The following SEC16B variants were observed in gnomAD, a reference collection of about 807,000 sequenced individuals.
SEC16B encodes the protein protein transport protein Sec16B.
Under a neutral mutation model 141.8 loss-of-function variants are expected in SEC16B, and 115 were observed. That is an observed-to-expected ratio of 0.81 (90% CI 0.70 to 0.95). SEC16B has a LOEUF of 0.95. Ranked by LOEUF, SEC16B falls within the 40% of genes least tolerant of loss-of-function variation. SEC16B has a pLI of 0.00. For synonymous variants in SEC16B, 493 were observed against 492.5 expected (o/e 1.00, Z -0.01); for missense variants, 1,291 against 1,312.3 (o/e 0.98, Z 0.25).
chr1:177,948,383 G>A (rs1651905119), intron 12 of SEC16B: 1 of 1,304,922 alleles, frequency 7.7e-7, no homozygotes, highest in Non-Finnish European at 1.0e-6. Flanking sequence ...CCTGCTTAAT[G>A]TCTTACCAAA....
rs781163921 is a variant in SEC16B, at chr1:177,958,141, T to A, written c.1356A>T (p.Gly452=). 2 of 1,512,412 alleles carry A rather than the reference T, an allele frequency of 1.3e-6. No homozygotes were observed. The highest frequency in any genetic ancestry group is 1.8e-6 in the Non-Finnish European group (2 of 1,125,864). The allele number at this position is 1,512,412 out of a possible 1,614,324, so 93.7% of individuals were successfully genotyped here. A position where few individuals can be genotyped will look rare whatever the true frequency, so the allele number is the denominator to read the frequency against. The change falls in exon 10 of 26, where the codon GGA becomes GGT. Residue 452 remains glycine, a synonymous_variant. Transcript: ENST00000308284. ...GGAAGGGCATACTTGCCTTCTTCCT[T>A]CCATAGTAGAGCAGCCTAGTGAATT... ...VEKFTRLLYY[G]RKKEALEWAM...
intron 24 of SEC16B, 110 bp from the exon 25 acceptor site, chr1:177,930,753 CT>C (rs1571302028): frequency 1.4e-6 from 1 of 697,368 alleles, no homozygotes. Context: ...TCAGTGATTT[CT>C]TTAAGTTCCT....
intron 5 of SEC16B, among the ~76,000 whole-genome samples, chr1:177,962,373 C>A (rs12747656): frequency 0.44 from 66,578 of 151,284 alleles, 14,810 homozygotes; most frequent in African/African-American, 0.47. Flanking sequence ...CCTGGCCCTC[C>A]TTCATTGACT....
rs772354528 is a variant in SEC16B, at chr1:177,967,959, C to T, written c.23G>A (p.Arg8Lys). 2.9e-5 allele frequency: 47 copies of T among 1,607,588 alleles called. No homozygotes were observed. In the East Asian group the frequency reaches 1.0e-3, roughly 34 times the overall value. The change falls in exon 2 of 26, where the codon AGG becomes AAG. Residue 8 changes from arginine (R) to lysine (K), a missense_variant. Arg to Lys is a conservative substitution (Grantham distance 26). Transcript: ENST00000308284. MELWAPQRLPQTRGKATA... is the reference protein window; with the variant it reads MELWAPQKLPQTRGKATA... ...GGCCTTCCCTCGTGTCTGGGGCAGC[C>T]TCTGGGGAGCCCAAAGTTCCATCCT...
chr1:177,954,375 TC>T lies in SEC16B; in HGVS notation c.1366del (p.Glu456LysfsTer7). Reference protein sequence around the residue: ...TRLLYYGRKKEALEWAMKNHL... With the variant: ...TRLLYYGRKKXALEWAMKNHL... ...GTTCTTCATGGCCCACTCCAAGGCT[TC>T]CTGAAAACCAAAACATCACATTCAA... On this transcript the variant is annotated frameshift_variant and splice_region_variant, in exon 11 of 26. Transcript: ENST00000308284. LOFTEE classifies it high-confidence loss of function. 1 of 1,569,500 alleles carries T rather than the reference TC, an allele frequency of 6.4e-7. No homozygotes were observed. The highest frequency in any genetic ancestry group is 8.6e-7 in the Non-Finnish European group (1 of 1,156,188).
At chr1:177,950,485 TA>T (rs987464034) in intron 12 of SEC16B, among the ~76,000 whole-genome samples, 2 of 152,106 alleles carry the variant, frequency 1.3e-5, no homozygotes, top group Admixed American at 6.5e-5. Context: ...TCAACTCCTT[TA>T]AAGTTATGTA....
At chr1:177,975,145 A>G (rs1320015675), upstream of SEC16B, among the ~76,000 whole-genome samples, 1 of 152,216 alleles carries the variant, frequency 6.6e-6, no homozygotes, top group Non-Finnish European at 1.5e-5. Flanking sequence ...GCTTTAACTA[A>G]GAACGTGTGC....
At chr1:177,936,062 C>T (rs757099352) in intron 20 of SEC16B, among the ~76,000 whole-genome samples, 6 of 152,214 alleles carry the variant, frequency 3.9e-5, no homozygotes, top group Non-Finnish European at 8.8e-5. Flanking sequence ...AACGAATCAG[C>T]TCAGTTGCTC....
intron 17 of SEC16B, 86 bp downstream of exon 17, chr1:177,940,524 T>G (rs115904230): frequency 0.025 from 22,743 of 911,436 alleles, 376 homozygotes; most frequent in East Asian, 0.062. Context: ...CTTGCTAATG[T>G]CAGTGCCTAC....
In SEC16B at chr1:177,954,336, T is replaced by C; in HGVS notation, c.1406A>G (p.His469Arg). 1 of 1,576,634 alleles carries C rather than the reference T, an allele frequency of 6.3e-7. No homozygotes were observed. Among genetic ancestry groups the C allele is most frequent in the Non-Finnish European group, 8.6e-7 (1 of 1,160,150 alleles). Residue 469 changes from histidine to arginine, a missense_variant, in exon 11 of 26, where the codon CAT becomes CGT. Transcript: ENST00000308284. The part of the protein sequence containing the change: ...EWAMKNHLWG[H>R]ALFLSSKMDP... ...CATCTTGCTGGACAGGAACAAAGCA[T>C]GGCCCCACAAGTGGTTCTTCATGGC...
At chr1:177,982,841 G>A (rs1654475575) in intron 1 of SEC16B, among the ~76,000 whole-genome samples, 1 of 152,120 alleles carries the variant, frequency 6.6e-6, no homozygotes, top group Non-Finnish European at 1.5e-5. Context: ...CCTCTCAAAA[G>A]TCAGCAGCCG....
Position 177,967,944 on chromosome 1 carries a change from C to T in SEC16B, c.38G>A (p.Arg13Gln), listed in dbSNP as rs189562621. ...CTTTGAGGGTGCTGTGGCCTTCCCT[C>T]GTGTCTGGGGCAGCCTCTGGGGAGC... The part of the protein sequence containing the change: ...LWAPQRLPQT[R>Q]GKATAPSKDP... The change falls in exon 2 of 26, where the codon CGA becomes CAA. Residue 13 changes from arginine to glutamine, a missense_variant. By Grantham distance (43) the Arg-to-Gln change is conservative. Around this residue, in one of 3 missense-constraint regions of SEC16B, gnomAD observed 681 missense variants for 675.5 expected, o/e 1.01. Transcript: ENST00000308284. 8.6e-4 allele frequency: 1,389 copies of T among 1,613,060 alleles called. 6 individuals carry two copies. In the African/African-American group the frequency reaches 9.6e-3, roughly 11 times the overall value.
chr1:177,942,365 C>A (rs1467357985), intron 15 of SEC16B, among the ~76,000 whole-genome samples: 1 of 152,162 alleles, frequency 6.6e-6, no homozygotes, highest in Admixed American at 6.5e-5. Context: ...AGGCATAGCA[C>A]CAGGCACAAG....
intron 10 of SEC16B, among the ~76,000 whole-genome samples, chr1:177,956,575 G>C (rs1472274890): frequency 6.6e-6 from 1 of 150,630 alleles, no homozygotes; most frequent in Non-Finnish European, 1.5e-5. Context: ...GAATTAAATT[G>C]ATTCAAATTG....
chr1:177,950,976 G>GAAAAGGA (rs1652145149), intron 12 of SEC16B, among the ~76,000 whole-genome samples: 1 of 123,468 alleles, frequency 8.1e-6, no homozygotes, highest in African/African-American at 3.1e-5. Context: ...AAGGAAGGGA[G>GAAAAGGA]GGAGGGAGGG....
At position 177,964,233 on chromosome 1, in the gene SEC16B, C is replaced by T; in HGVS notation, c.580G>A (p.Gly194Arg). The change falls in exon 5 of 26, where the codon GGA becomes AGA. Residue 194 changes from glycine (G) to arginine (R), a missense_variant. Around this residue, in one of 3 missense-constraint regions of SEC16B, gnomAD observed 681 missense variants for 675.5 expected, o/e 1.01. Transcript: ENST00000308284. ...AACAGCTCCCCCGGCCACTCCTGTC[C>T]AGAGTTGGAAGCAGGGCTGTCTTTA... ...PCKDSPASNS[G>R]QEWPGELFPG... 6.2e-7 allele frequency: 1 copy of T among 1,613,774 alleles called. No individual in the cohort carries two copies. The highest frequency in any genetic ancestry group is 1.3e-5 in the African/African-American group (1 of 75,030).
At chr1:177,964,457 C>T (rs541949054) in intron 4 of SEC16B, among the ~76,000 whole-genome samples, 178 bp from the exon 5 acceptor site, 1 of 152,336 alleles carries the variant, frequency 6.6e-6, no homozygotes, top group African/African-American at 2.4e-5. Context: ...CCCAGAAAAA[C>T]AGGAGTGCTG....
At chr1:177,982,816 G>A (rs1654474753) in intron 1 of SEC16B, among the ~76,000 whole-genome samples, 1 of 152,158 alleles carries the variant, frequency 6.6e-6, no homozygotes, top group African/African-American at 2.4e-5. Flanking sequence ...TAAGAGTCAG[G>A]CTGTTGTGTC....
At chr1:177,970,487 C>T (rs1041373380), upstream of SEC16B, among the ~76,000 whole-genome samples, 3 of 152,206 alleles carry the variant, frequency 2.0e-5, no homozygotes, top group African/African-American at 7.2e-5. Flanking sequence ...TCTTTTCCTT[C>T]CCAAAGAGAC....
Sources: gnomAD v4.1 joint callset for allele counts (sites outside exome capture counted in the v4.1 genomes callset) on GRCh38, gnomAD v4.1.1 for gene constraint, gnomAD v4.1.1 regional missense constraint, MANE v1.5 for transcripts, NCBI Gene and HGNC (gene_info 2026-07-23, HGNC 2026-07-21) for gene names.